The following ENOX2 variants were observed in gnomAD, a reference collection of about 807,000 sequenced individuals.
ENOX2 encodes ecto-NOX disulfide-thiol exchanger 2.
Under a neutral mutation model 45.0 loss-of-function variants are expected in ENOX2, and 36 were observed. The observed-to-expected ratio is 0.80, with a 90% CI of 0.61 to 1.06. ENOX2 has a LOEUF of 1.06. Ranked by LOEUF, ENOX2 falls within the 50% of genes least tolerant of loss-of-function variation. ENOX2 has a pLI of 0.00. For missense variants in ENOX2, 423 were observed against 462.5 expected (o/e 0.91, Z 0.78); for synonymous variants, 174 against 152.3 (o/e 1.14, Z -1.05).
At chrX:130,790,914 T>C (rs1351471205) in intron 2 of ENOX2, among the ~76,000 whole-genome samples, 1 of 112,337 alleles carries the variant, frequency 8.9e-6, no homozygotes, top group Non-Finnish European at 1.9e-5. Flanking sequence ...CTAATTATTA[T>C]TCTTATTTTA....
At position 130,667,440 on chromosome X, in the gene ENOX2, A is replaced by G. The variant is rs994977830; in HGVS notation, c.907+90T>C. 21 of 792,613 alleles carry G rather than the reference A, an allele frequency of 2.6e-5. No homozygotes were observed. In the East Asian group the frequency reaches 6.3e-4, roughly 24 times the overall value. The allele number at this position is 792,613 out of a possible 1,213,427, so 65.3% of individuals were successfully genotyped here. A position where few individuals can be genotyped will look rare whatever the true frequency, so the allele number is the denominator to read the frequency against. On this transcript the variant is annotated intron_variant, in intron 8 of 14. Coordinates refer to ENST00000394363, the MANE Select transcript of ENOX2 (RefSeq NM_006375.4). ...AGGGAGCCTTGAGCCTTAACACAGG[A>G]TGGCTCTGGAGGCCTGAGCTCCCAT...
intron 4 of ENOX2, among the ~76,000 whole-genome samples, chrX:130,691,613 C>A (rs2037598754): frequency 8.9e-6 from 1 of 112,697 alleles, no homozygotes; most frequent in African/African-American, 3.2e-5. Context: ...TACCCATTTA[C>A]AAACTGTTAT....
At chrX:130,812,457 T>G (rs990643890) in intron 2 of ENOX2, among the ~76,000 whole-genome samples, 2 of 111,683 alleles carry the variant, frequency 1.8e-5, no homozygotes, top group Admixed American at 9.5e-5. Flanking sequence ...AAGAATAAAC[T>G]TTACACAGCA....
chrX:130,761,298 C>T (rs1464483201), intron 3 of ENOX2, among the ~76,000 whole-genome samples: 1 of 111,282 alleles, frequency 9.0e-6, no homozygotes, highest in Middle Eastern at 4.2e-3. Context: ...CATCTCGCCC[C>T]AGAGATTTGA....
intron 2 of ENOX2, among the ~76,000 whole-genome samples, chrX:130,809,247 T>G (rs921435182): frequency 8.9e-6 from 1 of 112,286 alleles, no homozygotes; most frequent in African/African-American, 3.2e-5. Context: ...AGAGGAGGAG[T>G]TGATTTATGT....
intron 2 of ENOX2, among the ~76,000 whole-genome samples, chrX:130,838,561 C>T (rs866541178): frequency 8.9e-5 from 10 of 111,787 alleles, no homozygotes; most frequent in Non-Finnish European, 1.9e-4. Flanking sequence ...TTTCTAGACA[C>T]TAAAAGCCCA....
At chrX:130,638,416 TAAAC>T (rs2035991656) in intron 10 of ENOX2, among the ~76,000 whole-genome samples, 1 of 100,154 alleles carries the variant, frequency 1.0e-5, no homozygotes, top group East Asian at 3.1e-4. Context: ...AAATAACTGT[TAAAC>T]AACAATTTGA....
intron 10 of ENOX2, chrX:130,646,149 C>T: frequency 3.9e-6 from 2 of 512,706 alleles, no homozygotes; most frequent in East Asian, 3.6e-5. Context: ...TCCTGGAGCA[C>T]TTCCTCAATC....
intron 2 of ENOX2, among the ~76,000 whole-genome samples, chrX:130,798,741 GA>G (rs2077172398): frequency 9.0e-6 from 1 of 111,720 alleles, no homozygotes; most frequent in Non-Finnish European, 1.9e-5. Flanking sequence ...TGCCCTTGGG[GA>G]CTGGCTTTGA....
intron 3 of ENOX2, among the ~76,000 whole-genome samples, chrX:130,771,504 C>A (rs1349322885): frequency 9.0e-6 from 1 of 111,423 alleles, no homozygotes; most frequent in Non-Finnish European, 1.9e-5. Context: ...CTAGGCTCCA[C>A]AACTCTTCAA....
intron 3 of ENOX2, among the ~76,000 whole-genome samples, chrX:130,741,586 A>G (rs1263055034): frequency 1.8e-5 from 2 of 111,828 alleles, no homozygotes; most frequent in Non-Finnish European, 3.8e-5. Flanking sequence ...ACTTCAGGGA[A>G]GGAAAACCCT....
intron 3 of ENOX2, among the ~76,000 whole-genome samples, chrX:130,725,946 C>G (rs1344935622): frequency 8.9e-6 from 1 of 111,863 alleles, no homozygotes; most frequent in Non-Finnish European, 1.9e-5. Context: ...GTTCATCATA[C>G]CCTAGTGCTG....
chrX:130,767,751 T>C (rs181278084), intron 3 of ENOX2, among the ~76,000 whole-genome samples: 21 of 112,295 alleles, frequency 1.9e-4, no homozygotes, highest in Non-Finnish European at 3.6e-4. Flanking sequence ...TGTTGGAGCT[T>C]GGTCTTGACA....
intron 2 of ENOX2, among the ~76,000 whole-genome samples, chrX:130,862,287 TGAA>T (rs1053159898): frequency 2.7e-5 from 3 of 111,232 alleles, no homozygotes; most frequent in Admixed American, 1.9e-4. Flanking sequence ...CTCTCTCGTC[TGAA>T]GGTCTTTGTG....
intron 2 of ENOX2, among the ~76,000 whole-genome samples, chrX:130,832,722 C>T (rs779835524): frequency 1.8e-5 from 2 of 110,810 alleles, no homozygotes; most frequent in East Asian, 2.8e-4. Context: ...ATTAAAAATA[C>T]TGTCCATGAT....
chrX:130,670,515 G>T (rs188198715), intron 6 of ENOX2, among the ~76,000 whole-genome samples: 6 of 110,632 alleles, frequency 5.4e-5, no homozygotes, highest in Non-Finnish European at 9.4e-5. Flanking sequence ...GGTTGGCTCC[G>T]TGGGTAATAG....
intron 12 of ENOX2, among the ~76,000 whole-genome samples, chrX:130,632,338 C>G (rs758817845): frequency 1.4e-5 from 1 of 73,793 alleles, no homozygotes; most frequent in African/African-American, 5.6e-5. Context: ...GAAAGTTCTT[C>G]TCTTTCAGAA....
chrX:130,775,033 G>T (rs1319096956), intron 3 of ENOX2, among the ~76,000 whole-genome samples: 1 of 112,149 alleles, frequency 8.9e-6, no homozygotes, highest in Non-Finnish European at 1.9e-5. Context: ...TGTGGAGGGG[G>T]ACACAGAGTA....
intron 5 of ENOX2, among the ~76,000 whole-genome samples, chrX:130,682,676 T>C (rs949448966): frequency 3.7e-5 from 4 of 109,170 alleles, no homozygotes; most frequent in Admixed American, 9.8e-5. Context: ...GGTGACTGTT[T>C]TCTAAGTAAA....
Sources: allele counts gnomAD v4.1 joint callset (sites outside exome capture counted in the v4.1 genomes callset), GRCh38; gene constraint gnomAD v4.1.1; transcripts MANE v1.5; gene names NCBI Gene and HGNC (gene_info 2026-07-23, HGNC 2026-07-21).